RNF217: variants seen among roughly 807,000 people sequenced by gnomAD.
The protein encoded by RNF217 is E3 ubiquitin-protein ligase RNF217.
Under a neutral mutation model 57.8 loss-of-function variants are expected in RNF217, and 31 were observed. The observed-to-expected ratio is 0.54, with a 90% confidence interval of 0.40 to 0.72. RNF217 has a LOEUF of 0.72. Among genes scored for constraint, RNF217 ranks in the 30% least tolerant of loss-of-function variants. The pLI, the probability that RNF217 is intolerant of heterozygous loss-of-function variation, is 0.00. For synonymous variants in RNF217, 313 were observed against 294.0 expected (o/e 1.06, Z -0.66); for missense variants, 696 against 708.3 (o/e 0.98, Z 0.20).
intron 3 of RNF217, among the ~76,000 whole-genome samples, chr6:125,067,915 A>T (rs1428780601): frequency 6.6e-6 from 1 of 152,074 alleles, no homozygotes; most frequent in Non-Finnish European, 1.5e-5. Context: ...GGAGAGGAGA[A>T]ACTGGAAAAA....
chr6:125,080,228 C>T (rs1406782773), intron 4 of RNF217, among the ~76,000 whole-genome samples: 2 of 152,026 alleles, frequency 1.3e-5, no homozygotes, highest in Non-Finnish European at 2.9e-5. Flanking sequence ...TTCAATGGGA[C>T]TTATTACTTA....
At chr6:125,021,820 C>A (rs1785852185) in intron 1 of RNF217, among the ~76,000 whole-genome samples, 1 of 152,122 alleles carries the variant, frequency 6.6e-6, no homozygotes, top group South Asian at 2.1e-4. Flanking sequence ...GAAGATCAGA[C>A]ATTGTGCTCT....
chr6:124,991,234 C>T (rs1266655700), intron 1 of RNF217, among the ~76,000 whole-genome samples: 2 of 152,182 alleles, frequency 1.3e-5, no homozygotes, highest in South Asian at 2.1e-4. Context: ...CCTGCCATTG[C>T]TCACTCAGAA....
intron 4 of RNF217, among the ~76,000 whole-genome samples, chr6:125,077,229 G>T (rs1788411317): frequency 6.6e-6 from 1 of 152,036 alleles, no homozygotes; most frequent in African/African-American, 2.4e-5. Context: ...ACTCATTCAT[G>T]GAGGACCTGC....
chr6:125,044,778 G>A (rs1218001171), intron 1 of RNF217, among the ~76,000 whole-genome samples: 1 of 152,048 alleles, frequency 6.6e-6, no homozygotes, highest in Non-Finnish European at 1.5e-5. Context: ...GTTTAGTGCT[G>A]AAGTATTCTG....
At chr6:124,990,784 A>C (rs1482436165) in intron 1 of RNF217, among the ~76,000 whole-genome samples, 3 of 152,120 alleles carry the variant, frequency 2.0e-5, no homozygotes, top group Non-Finnish European at 4.4e-5. Context: ...GTGAAGCCAA[A>C]TTGGGCATGG....
intron 1 of RNF217, among the ~76,000 whole-genome samples, chr6:124,988,227 T>G (rs1784427487): frequency 6.6e-6 from 1 of 152,056 alleles, no homozygotes; most frequent in Non-Finnish European, 1.5e-5. Context: ...CTGACCCCCA[T>G]CCATGGAAGA....
intron 1 of RNF217, among the ~76,000 whole-genome samples, chr6:125,035,798 A>G (rs1474402182): frequency 6.6e-6 from 1 of 150,782 alleles, no homozygotes; most frequent in Non-Finnish European, 1.5e-5. Flanking sequence ...TTACAGTTAC[A>G]GTCTACCTGG....
intron 1 of RNF217, among the ~76,000 whole-genome samples, chr6:124,990,823 G>A (rs1434093416): frequency 6.6e-6 from 1 of 152,164 alleles, no homozygotes; most frequent in African/African-American, 2.4e-5. Flanking sequence ...CCAGCACTTT[G>A]AGAGGCTGAG....
intron 1 of RNF217, among the ~76,000 whole-genome samples, chr6:124,975,928 A>C (rs549546586): frequency 3.9e-5 from 6 of 152,154 alleles, no homozygotes; most frequent in African/African-American, 1.4e-4. Context: ...ATTTTTAAAA[A>C]ATATTTTTCC....
chr6:125,076,474 A>AAT (rs1193980542), intron 3 of RNF217, among the ~76,000 whole-genome samples, 183 bp from the exon 4 acceptor site: 1 of 152,186 alleles, frequency 6.6e-6, no homozygotes, highest in African/African-American at 2.4e-5. Context: ...TGCACACATG[A>AAT]AAGTATTTGG....
chr6:124,979,753 A>G (rs1023920178), intron 1 of RNF217, among the ~76,000 whole-genome samples: 2 of 152,244 alleles, frequency 1.3e-5, no homozygotes, highest in Non-Finnish European at 2.9e-5. Context: ...TAACATGACA[A>G]TTAGTGCTTT....
At chr6:124,966,379 A>G (rs1407471591) in intron 1 of RNF217, among the ~76,000 whole-genome samples, 3 of 152,222 alleles carry the variant, frequency 2.0e-5, no homozygotes, top group Non-Finnish European at 2.9e-5. Context: ...GTCAAACTGC[A>G]TGGTTATTTT....
intron 1 of RNF217, among the ~76,000 whole-genome samples, chr6:125,002,391 C>T (rs1351959128): frequency 6.6e-6 from 1 of 152,154 alleles, no homozygotes; most frequent in African/African-American, 2.4e-5. Flanking sequence ...TAATTACTGC[C>T]CTACTTCTGC....
intron 3 of RNF217, among the ~76,000 whole-genome samples, chr6:125,071,236 G>T (rs571403289): frequency 6.6e-6 from 1 of 152,098 alleles, no homozygotes; most frequent in South Asian, 2.1e-4. Flanking sequence ...AGTAACATGC[G>T]TTTGGTAGAA....
At chr6:124,992,383 T>A (rs1214055670) in intron 1 of RNF217, among the ~76,000 whole-genome samples, 2 of 152,090 alleles carry the variant, frequency 1.3e-5, no homozygotes, top group African/African-American at 2.4e-5. Context: ...TAAATAATAG[T>A]CAAGCAGGAG....
intron 1 of RNF217, among the ~76,000 whole-genome samples, chr6:125,026,638 T>C (rs1786095436): frequency 6.6e-6 from 1 of 152,118 alleles, no homozygotes; most frequent in Non-Finnish European, 1.5e-5. Flanking sequence ...ATTTAAAACA[T>C]TTCTCTGAGA....
chr6:125,016,266 A>G (rs1785598757), intron 1 of RNF217, among the ~76,000 whole-genome samples: 1 of 152,218 alleles, frequency 6.6e-6, no homozygotes, highest in Non-Finnish European at 1.5e-5. Context: ...TGTAGGCAAG[A>G]AAGTAAAGAC....
rs1788766544 is a variant in RNF217, at chr6:125,086,240, C to A, written c.*3303C>A. On this transcript the variant is annotated 3_prime_UTR_variant, in exon 6 of 6. Transcript: ENST00000521654. Reference sequence around the variant, plus strand: ...GTGCATAATTTTTAAAGAAAATCGTCTTTTGAAGGGTAATTTCCTTTCTGC... The same window carrying A: ...GTGCATAATTTTTAAAGAAAATCGTATTTTGAAGGGTAATTTCCTTTCTGC... 6.6e-6 allele frequency: 1 copy of A among 151,924 alleles called. No homozygotes were observed. Among genetic ancestry groups the A allele is most frequent in the Non-Finnish European group, 1.5e-5 (1 of 67,918 alleles). 9.4% of individuals were successfully genotyped at this position (151,924 alleles called of 1,614,324 possible).
Sources: gnomAD v4.1 joint callset for allele counts (sites outside exome capture counted in the v4.1 genomes callset) on GRCh38, gnomAD v4.1.1 for gene constraint, MANE v1.5 for transcripts, NCBI Gene and HGNC (gene_info 2026-07-23, HGNC 2026-07-21) for gene names.